Variants in CDO1 observed in about 807,000 individuals in gnomAD.
The protein encoded by CDO1 is cysteine dioxygenase, type I.
In CDO1, 19 loss-of-function variants were observed where a neutral mutation model predicts 24.5. The observed-to-expected ratio is 0.77, with a 90% CI of 0.54 to 1.14. The LOEUF (loss-of-function observed/expected upper bound fraction) is 1.14, where lower values mean the gene tolerates loss of function less well. Among genes scored for constraint, CDO1 ranks in the 50% most tolerant of loss-of-function variants. CDO1 has a pLI of 0.00. For missense variants in CDO1, 244 were observed against 244.8 expected, an observed-to-expected ratio of 1.00 and a Z score of 0.02; for synonymous variants, 91 against 87.0, an observed-to-expected ratio of 1.05 and a Z score of -0.26.
chr5:115,805,828 T>C (rs78491771), intron 4 of CDO1, among the ~76,000 whole-genome samples: 151 of 152,358 alleles, frequency 9.9e-4, no homozygotes, highest in Non-Finnish European at 1.6e-3. Context: ...GCTATATTAG[T>C]GTTGGTTGCC....
At chr5:115,814,606 AC>A (rs1213637486) in intron 1 of CDO1, 1 of 152,220 alleles carries the variant, frequency 6.6e-6, no homozygotes, top group East Asian at 1.9e-4. Flanking sequence ...CTGTGAAAAG[AC>A]CGATCAACCC....
chr5:115,805,258 T>C lies in CDO1; in HGVS notation c.*175A>G. 4 of 527,598 alleles carry C rather than the reference T, an allele frequency of 7.6e-6. No individual in the cohort carries two copies. Among genetic ancestry groups the C allele is most frequent in the Non-Finnish European group, 1.0e-5 (3 of 296,546 alleles). 32.7% of individuals were successfully genotyped at this position (527,598 alleles called of 1,614,324 possible). A position where few individuals can be genotyped will look rare whatever the true frequency, so the allele number is the denominator to read the frequency against. On this transcript the variant is annotated 3_prime_UTR_variant, in exon 5 of 5. Coordinates refer to ENST00000250535, the MANE Select transcript of CDO1 (RefSeq NM_001801.3). ...CCTCAGTGGGACTTTTCTTCTGCAGTAGCTGAGGGCACTATTTGCTTACTT... is the reference window on the plus strand; with the variant it reads ...CCTCAGTGGGACTTTTCTTCTGCAGCAGCTGAGGGCACTATTTGCTTACTT...
intron 1 of CDO1, among the ~76,000 whole-genome samples, chr5:115,815,543 G>A (rs993069117): frequency 1.3e-5 from 2 of 152,304 alleles, no homozygotes; most frequent in African/African-American, 2.4e-5. Context: ...CACAGTCGGG[G>A]AAGTTAGTTA....
intron 3 of CDO1, among the ~76,000 whole-genome samples, chr5:115,808,849 T>C (rs1349258446): frequency 6.6e-6 from 1 of 152,232 alleles, no homozygotes; most frequent in Non-Finnish European, 1.5e-5. Flanking sequence ...GCATAACTAA[T>C]GTAGGCACCC....
intron 3 of CDO1, among the ~76,000 whole-genome samples, chr5:115,807,738 G>A (rs1200240987): frequency 6.6e-6 from 1 of 151,126 alleles, no homozygotes; most frequent in Non-Finnish European, 1.5e-5. Context: ...TTCAGAAACA[G>A]AATTAAAAAA....
intron 3 of CDO1, among the ~76,000 whole-genome samples, chr5:115,806,781 A>G (rs1175181842): frequency 6.6e-6 from 1 of 152,212 alleles, no homozygotes; most frequent in African/African-American, 2.4e-5. Flanking sequence ...GAAAACACTA[A>G]CAAAAATTTG....
intron 1 of CDO1, chr5:115,814,263 T>C (rs1760327929): frequency 6.6e-6 from 1 of 152,306 alleles, no homozygotes; most frequent in Middle Eastern, 3.4e-3. Context: ...CTTTATGACC[T>C]AACAAGAAGC....
chr5:115,811,684 AT>A (rs1389726746), intron 2 of CDO1, among the ~76,000 whole-genome samples: 1 of 152,232 alleles, frequency 6.6e-6, no homozygotes, highest in Non-Finnish European at 1.5e-5. Flanking sequence ...ATGAAAGTAC[AT>A]TAGAGAAATT....
At chr5:115,816,090 C>A (rs982833880) in intron 1 of CDO1, 138 bp downstream of exon 1, 6 of 612,220 alleles carry the variant, frequency 9.8e-6, no homozygotes, top group Non-Finnish European at 1.3e-5. Context: ...CCGCGGCTGG[C>A]CAGCGAGGGG....
chr5:115,815,929 G>C (rs547896034), intron 1 of CDO1, among the ~76,000 whole-genome samples: 133 of 152,340 alleles, frequency 8.7e-4, no homozygotes, highest in African/African-American at 3.2e-3. Context: ...AGGGGTTTGC[G>C]GGAGAGAAGA....
At chr5:115,806,313 T>C (rs1383347635) in intron 4 of CDO1, 36 bp downstream of exon 4, 1 of 1,519,606 alleles carries the variant, frequency 6.6e-7, no homozygotes, top group East Asian at 2.3e-5. Context: ...AGTGCCAACC[T>C]ACAGAGCATT....
In CDO1 at chr5:115,816,637, A is replaced by G. The variant is rs1760469687; in HGVS notation, c.-240T>C. On this transcript the variant is annotated 5_prime_UTR_variant, in exon 1 of 5. Coordinates refer to ENST00000250535, the MANE Select transcript of CDO1 (RefSeq NM_001801.3). ...CGGGATCGCTGGAGACGCGGTGCAC[A>G]CACAAATCAGGTTCAGATCTGTGGG... is the stretch of plus-strand genomic sequence containing the variant. 1.8e-6 allele frequency: 1 copy of G among 543,132 alleles called. No homozygotes were observed. The highest frequency in any genetic ancestry group is 3.3e-6 in the Non-Finnish European group (1 of 300,662). 33.6% of individuals were successfully genotyped at this position (543,132 alleles called of 1,614,324 possible).
At chr5:115,813,970 A>C (rs914374957) in intron 1 of CDO1, 2 of 152,664 alleles carry the variant, frequency 1.3e-5, no homozygotes, top group African/African-American at 4.8e-5. Context: ...AAAAAAGCAA[A>C]ATCAACGTCA....
chr5:115,809,526 C>T (rs1177998562), intron 3 of CDO1: 1 of 152,198 alleles, frequency 6.6e-6, no homozygotes, highest in African/African-American at 2.4e-5. Context: ...ACCCTGAGCT[C>T]ACTTTACTCT....
At chr5:115,813,314 G>GA (rs1396460355) in intron 1 of CDO1, 56 bp from the exon 2 acceptor site, 4 of 932,566 alleles carry the variant, frequency 4.3e-6, no homozygotes, top group South Asian at 2.7e-5. Context: ...ACAAGCACTG[G>GA]AAAAAATAAG....
intron 3 of CDO1, among the ~76,000 whole-genome samples, chr5:115,809,127 T>G (rs1321003634): frequency 1.3e-5 from 2 of 152,336 alleles, no homozygotes; most frequent in East Asian, 3.9e-4. Context: ...TGTTCAACAC[T>G]GCAGGTCCAC....
intron 3 of CDO1, chr5:115,809,681 C>T (rs1760103876): frequency 6.6e-6 from 1 of 152,324 alleles, no homozygotes; most frequent in Admixed American, 6.5e-5. Flanking sequence ...TATCCATCTC[C>T]ACCCCTACTC....
chr5:115,811,655 A>C (rs1448690581), intron 2 of CDO1, among the ~76,000 whole-genome samples: 1 of 152,166 alleles, frequency 6.6e-6, no homozygotes, highest in African/African-American at 2.4e-5. Flanking sequence ...ACTCACTTAA[A>C]CTGGGCTAGA....
intron 3 of CDO1, among the ~76,000 whole-genome samples, chr5:115,810,528 G>A (rs555875635): frequency 6.6e-5 from 10 of 152,234 alleles, no homozygotes; most frequent in Middle Eastern, 3.4e-3. Context: ...AACCTCCTAC[G>A]TAAAAGGGAA....
Sources: allele counts gnomAD v4.1 joint callset (sites outside exome capture counted in the v4.1 genomes callset), GRCh38; gene constraint gnomAD v4.1.1; transcripts MANE v1.5; gene names NCBI Gene and HGNC (gene_info 2026-07-23, HGNC 2026-07-21).